Variants in ANOS1 observed in about 807,000 individuals in gnomAD.
ANOS1 encodes the protein anosmin 1.
ANOS1 carries 6 observed loss-of-function variants against 59.0 expected under a neutral mutation model. That is an observed-to-expected ratio of 0.10 (90% CI 0.06 to 0.20). ANOS1 has a LOEUF of 0.20. Ranked by LOEUF, ANOS1 falls within the 10% of genes least tolerant of loss-of-function variation. The pLI, the probability that ANOS1 is intolerant of heterozygous loss-of-function variation, is 1.00. For missense variants in ANOS1, 433 were observed against 542.3 expected (o/e 0.80, Z 2.00); for synonymous variants, 217 against 223.4 (o/e 0.97, Z 0.25).
chrX:8,678,698 G>A (rs1388037857), intron 2 of ANOS1, among the ~76,000 whole-genome samples: 1 of 111,620 alleles, frequency 9.0e-6, no homozygotes, highest in Non-Finnish European at 1.9e-5. Flanking sequence ...ACTTGAAAGG[G>A]CCCCTAGACC....
At position 8,587,798 on chromosome X, in the gene ANOS1, G is replaced by A; in HGVS notation, c.722C>T (p.Ala241Val). The change falls in exon 5 of 14, where the codon GCC becomes GTC. Residue 241 changes from alanine (A) to valine (V), a missense_variant. Coordinates refer to ENST00000262648, the MANE Select transcript of ANOS1 (RefSeq NM_000216.4). ...EDDATHWQTV[A>V]QTTDERVQLT... Reference sequence around the variant, plus strand: ...AAGTCTATATGAGGTTCTTACCTGGGCCACTGTCTGCCAGTGAGTGGCGTC... The same window carrying A: ...AAGTCTATATGAGGTTCTTACCTGGACCACTGTCTGCCAGTGAGTGGCGTC... The A allele has an allele frequency of 8.4e-7, 1 of 1,197,351 alleles. No homozygotes were observed. The highest frequency in any genetic ancestry group is 1.1e-6 in the Non-Finnish European group (1 of 886,080).
chrX:8,639,481 C>A (rs1054938402), intron 2 of ANOS1, among the ~76,000 whole-genome samples: 1 of 111,401 alleles, frequency 9.0e-6, no homozygotes, highest in Non-Finnish European at 1.9e-5. Flanking sequence ...ACTGTTTCAC[C>A]AAGATGCTGC....
intron 9 of ANOS1, among the ~76,000 whole-genome samples, chrX:8,553,608 A>T (rs1929892155): frequency 9.0e-6 from 1 of 111,592 alleles, no homozygotes; most frequent in Non-Finnish European, 1.9e-5. Context: ...CTACTTTCTA[A>T]ATTATTTGTA....
At position 8,597,055 on chromosome X, in the gene ANOS1, C is replaced by T. The variant is rs1350803749; in HGVS notation, c.520G>A (p.Val174Ile). 8.3e-7 allele frequency: 1 copy of T among 1,210,217 alleles called. No homozygotes were observed. Among genetic ancestry groups the T allele is most frequent in the African/African-American group, 1.7e-5 (1 of 57,231 alleles). Residue 174 changes from valine (V) to isoleucine (I), a missense_variant, in exon 4 of 14, where the codon GTA (valine) becomes ATA (isoleucine). Physicochemically the swap from Val to Ile is conservative, Grantham distance 29. Coordinates refer to ENST00000262648, the MANE Select transcript of ANOS1 (RefSeq NM_000216.4). ...TTACCTTTGTACAGAGTCTTGGGTA[C>T]TTGACAGGTGTGTCCACACCCATTC... ...CSNGCGHTCQ[V>I]PKTLYKGVPL... is the part of the protein sequence containing the mutation.
intron 3 of ANOS1, among the ~76,000 whole-genome samples, chrX:8,606,902 G>A (rs1021997190): frequency 1.8e-4 from 20 of 112,894 alleles, no homozygotes; most frequent in African/African-American, 6.1e-4. Context: ...CAGATCACTT[G>A]AGGTCATGAG....
intron 9 of ANOS1, among the ~76,000 whole-genome samples, chrX:8,540,368 C>T (rs187857935): frequency 8.1e-5 from 9 of 111,321 alleles, no homozygotes; most frequent in East Asian, 2.8e-4. Context: ...CTTAACCAAG[C>T]GCATCGTGGC....
At chrX:8,667,626 G>C (rs903343893) in intron 2 of ANOS1, among the ~76,000 whole-genome samples, 1 of 111,653 alleles carries the variant, frequency 9.0e-6, no homozygotes, top group East Asian at 2.8e-4. Flanking sequence ...ACTGTAATGT[G>C]GGTCACACAC....
intron 2 of ANOS1, among the ~76,000 whole-genome samples, chrX:8,665,833 G>A (rs1437253539): frequency 8.9e-6 from 1 of 112,238 alleles, no homozygotes; most frequent in Non-Finnish European, 1.9e-5. Context: ...AATTACTTTG[G>A]ATGATATTCT....
intron 3 of ANOS1, among the ~76,000 whole-genome samples, chrX:8,605,665 G>A (rs1250727390): frequency 2.0e-5 from 2 of 100,278 alleles, no homozygotes; most frequent in African/African-American, 7.2e-5. Context: ...AAAAAAAAAG[G>A]AAAAGAAAGA....
intron 3 of ANOS1, among the ~76,000 whole-genome samples, chrX:8,613,110 A>G (rs1931092666): frequency 8.9e-6 from 1 of 112,637 alleles, no homozygotes; most frequent in African/African-American, 3.2e-5. Context: ...ATAAAGATAA[A>G]TCAACGATTA....
intron 2 of ANOS1, among the ~76,000 whole-genome samples, chrX:8,691,091 T>G (rs1186606306): frequency 9.3e-6 from 1 of 107,516 alleles, no homozygotes; most frequent in South Asian, 4.1e-4. Flanking sequence ...TTTTTTTTTT[T>G]GAGACAGAGT....
At chrX:8,648,863 T>A (rs1008911251) in intron 2 of ANOS1, among the ~76,000 whole-genome samples, 9 of 112,071 alleles carry the variant, frequency 8.0e-5, no homozygotes, top group African/African-American at 1.6e-4. Context: ...CAAAGATTAG[T>A]CCTGTGGGAT....
chrX:8,686,719 A>G (rs1408267347), intron 2 of ANOS1, among the ~76,000 whole-genome samples: 3 of 111,808 alleles, frequency 2.7e-5, no homozygotes, highest in Non-Finnish European at 3.8e-5. Context: ...TTGGGGGCCA[A>G]GGTGGGCAGA....
intron 9 of ANOS1, among the ~76,000 whole-genome samples, chrX:8,550,909 C>A (rs969674202): frequency 9.0e-6 from 1 of 111,516 alleles, no homozygotes; most frequent in Non-Finnish European, 1.9e-5. Context: ...TCCCATAATC[C>A]CCACATGTCA....
intron 4 of ANOS1, among the ~76,000 whole-genome samples, chrX:8,588,561 G>A (rs891625190): frequency 4.5e-5 from 5 of 111,916 alleles, no homozygotes; most frequent in Non-Finnish European, 9.4e-5. Flanking sequence ...TTTGGATTCC[G>A]CAATCAATTG....
intron 9 of ANOS1, among the ~76,000 whole-genome samples, chrX:8,541,665 GTCACCTGTGCCTATAAAGCATT>G (rs1411462904): frequency 6.6e-5 from 5 of 75,661 alleles, no homozygotes; most frequent in Non-Finnish European, 1.3e-4. Flanking sequence ...GTAAACACTA[GTCACCTGTGCCTATAAAGCATT>G]TCACATGTCC....
intron 2 of ANOS1, among the ~76,000 whole-genome samples, chrX:8,684,297 T>A (rs776642349): frequency 1.8e-5 from 2 of 111,530 alleles, no homozygotes; most frequent in South Asian, 3.8e-4. Flanking sequence ...TGGTGCTGCT[T>A]CATCCAAGAG....
intron 10 of ANOS1, among the ~76,000 whole-genome samples, chrX:8,537,768 G>A (rs1375308437): frequency 9.1e-6 from 1 of 109,367 alleles, no homozygotes; most frequent in Non-Finnish European, 1.9e-5. Flanking sequence ...GTGTGTGTGT[G>A]TGTGTGTGTG....
chrX:8,626,590 T>G (rs936124311), intron 2 of ANOS1, among the ~76,000 whole-genome samples: 1 of 111,070 alleles, frequency 9.0e-6, no homozygotes, highest in Non-Finnish European at 1.9e-5. Flanking sequence ...CCGGGCGCGG[T>G]GGCTCACGCC....
Sources: gnomAD v4.1 joint callset for allele counts (sites outside exome capture counted in the v4.1 genomes callset) on GRCh38, gnomAD v4.1.1 for gene constraint, MANE v1.5 for transcripts, NCBI Gene and HGNC (gene_info 2026-07-23, HGNC 2026-07-21) for gene names.